Variants in ANK3 observed in about 807,000 individuals in gnomAD.
ANK3 encodes the protein ankyrin 3.
ANK3 carries 57 observed loss-of-function variants against 370.9 expected under a neutral mutation model. The ratio of observed to expected loss-of-function variants is 0.15; its 90% CI spans 0.12 to 0.19. The LOEUF (loss-of-function observed/expected upper bound fraction) is 0.19. Ranked by LOEUF, ANK3 falls within the 10% of genes least tolerant of loss-of-function variation. ANK3 has a pLI of 1.00. For missense variants in ANK3, 4,439 were observed against 5,302.1 expected (o/e 0.84, Z 5.06); for synonymous variants, 1,929 against 1,946.3 (o/e 0.99, Z 0.23).
intron 2 of ANK3, among the ~76,000 whole-genome samples, chr10:60,450,861 T>C (rs974578701): frequency 6.6e-6 from 1 of 152,216 alleles, no homozygotes; most frequent in African/African-American, 2.4e-5. Flanking sequence ...TACAGACCTA[T>C]GCAGTAGGCA....
At chr10:60,244,895 C>T (rs577391363) in intron 7 of ANK3, among the ~76,000 whole-genome samples, 216 of 152,244 alleles carry the variant, frequency 1.4e-3, no homozygotes, top group African/African-American at 4.7e-3. Flanking sequence ...TTGGGCCGGG[C>T]GCGGTGGCTC....
chr10:60,136,359 A>T lies in ANK3; in HGVS notation c.2739-1986T>A, dbSNP rs2094343251. The stretch of plus-strand genomic sequence containing the variant: ...GTAACTATAGGTGGCTAGTGGCTAC[A>T]TTATTAGTGCAGCTTCTAAGTATTA... On this transcript the variant is annotated intron_variant, in intron 24 of 43. Coordinates refer to ENST00000280772, the MANE Select transcript of ANK3 (RefSeq NM_020987.5). Among the ~76,000 whole-genome samples the T allele has an allele frequency of 2.0e-5, 3 of 152,270 alleles. No homozygotes were observed. The South Asian group carries it at 6.2e-4, about 32-fold the overall frequency.
Position 60,086,780 on chromosome 10 carries a change from T to C in ANK3, c.3645A>G (p.Pro1215=), listed in dbSNP as rs775803554. 4 of 1,614,098 alleles carry C rather than the reference T, an allele frequency of 2.5e-6. No homozygotes were observed. Among genetic ancestry groups the C allele is most frequent in the South Asian group, 1.1e-5 (1 of 91,088 alleles). ...VEPRRRKFHK[P]ITMTIPVPPP... Reference sequence around the variant, plus strand: ...GGGGCACCGGAATGGTCATTGTGATTGGTTTATGGAATTTCCGTCTTCTTG... The same window carrying C: ...GGGGCACCGGAATGGTCATTGTGATCGGTTTATGGAATTTCCGTCTTCTTG... The change falls in exon 30 of 44, where the codon CCA becomes CCG. Residue 1215 remains proline, a synonymous_variant. Coordinates refer to ENST00000280772, the MANE Select transcript of ANK3 (RefSeq NM_020987.5).
intron 2 of ANK3, among the ~76,000 whole-genome samples, chr10:60,499,647 C>G (rs1340678592): frequency 6.6e-6 from 1 of 152,200 alleles, no homozygotes; most frequent in African/African-American, 2.4e-5. Flanking sequence ...CATTCCATTC[C>G]TATTCCTACA....
intron 28 of ANK3, 111 bp downstream of exon 28, chr10:60,105,794 C>A: frequency 8.5e-7 from 1 of 1,176,200 alleles, no homozygotes; most frequent in Non-Finnish European, 1.2e-6. Flanking sequence ...GAACTTGGGT[C>A]CTAGCTTAAA....
chr10:60,445,375 G>A (rs2064415210), intron 2 of ANK3, among the ~76,000 whole-genome samples: 1 of 152,076 alleles, frequency 6.6e-6, no homozygotes, highest in South Asian at 2.1e-4. Flanking sequence ...GGGCAAAAGA[G>A]CAAGACCCTG....
chr10:60,698,414 A>G (rs575446919), intron 1 of ANK3, among the ~76,000 whole-genome samples: 2 of 151,976 alleles, frequency 1.3e-5, no homozygotes, highest in East Asian at 3.9e-4. Context: ...ATATACCCAA[A>G]GGACTAGAAA....
intron 2 of ANK3, among the ~76,000 whole-genome samples, chr10:60,538,808 T>G (rs996308227): frequency 3.9e-5 from 6 of 151,930 alleles, no homozygotes; most frequent in African/African-American, 1.4e-4. Context: ...GCATCCATTT[T>G]AATAACTTTT....
At chr10:60,142,702 T>C (rs2094621935) in intron 23 of ANK3, among the ~76,000 whole-genome samples, 1 of 152,118 alleles carries the variant, frequency 6.6e-6, no homozygotes, top group Non-Finnish European at 1.5e-5. Context: ...GAGTGGGAGT[T>C]GTCAACACAC....
chr10:60,561,378 A>G (rs1461481564), intron 2 of ANK3, among the ~76,000 whole-genome samples: 1 of 152,212 alleles, frequency 6.6e-6, no homozygotes, highest in East Asian at 1.9e-4. Context: ...CAAGGGGGAA[A>G]GTAATTGTTA....
chr10:60,411,319 G>T (rs2063555936), intron 2 of ANK3, among the ~76,000 whole-genome samples: 1 of 152,216 alleles, frequency 6.6e-6, no homozygotes, highest in Non-Finnish European at 1.5e-5. Context: ...AGCAATAACT[G>T]TACTTTCTGG....
intron 43 of ANK3, among the ~76,000 whole-genome samples, chr10:60,040,756 C>T (rs780580726): frequency 7.2e-5 from 11 of 152,120 alleles, no homozygotes; most frequent in Non-Finnish European, 1.3e-4. Flanking sequence ...GAAAATGGCT[C>T]AGCTGGTGTA....
intron 38 of ANK3, among the ~76,000 whole-genome samples, chr10:60,066,632 GA>G (rs200145353): frequency 1.1e-4 from 16 of 148,664 alleles, no homozygotes; most frequent in African/African-American, 1.5e-4. Flanking sequence ...GCATTCAAAG[GA>G]AAAAAAAAAT....
intron 42 of ANK3, chr10:60,044,384 GA>G (rs1458294241): frequency 1.1e-6 from 1 of 944,130 alleles, no homozygotes; most frequent in African/African-American, 1.8e-5. Context: ...CAACATACTA[GA>G]TGGAGAAATC....
intron 1 of ANK3, among the ~76,000 whole-genome samples, chr10:60,677,108 G>A (rs1231162038): frequency 1.3e-5 from 2 of 152,162 alleles, no homozygotes; most frequent in Admixed American, 1.3e-4. Flanking sequence ...CAGGTTCCCA[G>A]AGCAGAGGGT....
At chr10:60,107,149 A>T (rs951869106) in intron 27 of ANK3, among the ~76,000 whole-genome samples, 3 of 152,202 alleles carry the variant, frequency 2.0e-5, no homozygotes, top group Non-Finnish European at 4.4e-5. Context: ...CTTTTAGCAA[A>T]ATCATAATTC....
chr10:60,653,627 T>C (rs1294455173), intron 1 of ANK3, among the ~76,000 whole-genome samples: 1 of 152,156 alleles, frequency 6.6e-6, no homozygotes, highest in Non-Finnish European at 1.5e-5. Flanking sequence ...CTCAGTACTT[T>C]GGGAGGACAA....
intron 2 of ANK3, among the ~76,000 whole-genome samples, chr10:60,597,660 T>C (rs78769267): frequency 0.021 from 3,159 of 152,264 alleles, 124 homozygotes; most frequent in African/African-American, 0.072. Flanking sequence ...CTAGATGCCA[T>C]AGAATTTCTC....
chr10:60,723,412 G>A (rs2079893083), intron 1 of ANK3, among the ~76,000 whole-genome samples: 1 of 152,230 alleles, frequency 6.6e-6, no homozygotes. Flanking sequence ...ACAACAAAGT[G>A]TTAGTGTAGA....
Sources: gnomAD v4.1 joint callset for allele counts (sites outside exome capture counted in the v4.1 genomes callset) on GRCh38, gnomAD v4.1.1 for gene constraint, MANE v1.5 for transcripts, NCBI Gene and HGNC (gene_info 2026-07-23, HGNC 2026-07-21) for gene names.